Variants in FOXP1 observed in about 807,000 individuals in gnomAD.
The protein encoded by FOXP1 is forkhead box protein P1.
FOXP1 carries 15 observed loss-of-function variants against 98.2 expected under a neutral mutation model. The ratio of observed to expected loss-of-function variants is 0.15; its 90% CI spans 0.10 to 0.24. The LOEUF (loss-of-function observed/expected upper bound fraction) is 0.24. Ranked by LOEUF, FOXP1 falls within the 10% of genes least tolerant of loss-of-function variation. The pLI is 1.00. For synonymous variants in FOXP1, 371 were observed against 314.5 expected (o/e 1.18, Z -1.90); for missense variants, 633 against 848.5 (o/e 0.75, Z 3.15).
At chr3:71,314,412 C>T (rs1013819341) in intron 4 of FOXP1, among the ~76,000 whole-genome samples, 1 of 151,892 alleles carries the variant, frequency 6.6e-6, no homozygotes, top group African/African-American at 2.4e-5. Flanking sequence ...CCTGTAATCC[C>T]AGCTACTCGG....
At chr3:71,032,314 G>A (rs769019556) in intron 11 of FOXP1, among the ~76,000 whole-genome samples, 5 of 152,242 alleles carry the variant, frequency 3.3e-5, no homozygotes. Flanking sequence ...CCAACAGGAT[G>A]TTATTTTAGA....
At position 71,507,582 on chromosome 3, in the gene FOXP1, CTTT is replaced by C. The variant is rs1209581927; in HGVS notation, c.-297-14030_-297-14028del. 2.2e-3 allele frequency among the ~76,000 whole-genome samples: 315 copies of C among 144,482 alleles called. 3 individuals carry two copies. The highest frequency in any genetic ancestry group is 3.6e-3 in the African/African-American group (143 of 39,566). The allele number at this position is 144,482 out of a possible 152,430, so 94.8% of individuals were successfully genotyped here. A position where few individuals can be genotyped will look rare whatever the true frequency, so the allele number is the denominator to read the frequency against. On this transcript the variant is annotated intron_variant, in intron 2 of 20. Transcript: ENST00000649528. ...TATTGAATGATATGTTGCAAAACTGCTTTTTTTTTTTTTGAGATGGAGTCTCGC... is the reference window on the plus strand; with the variant it reads ...TATTGAATGATATGTTGCAAAACTGCTTTTTTTTTTGAGATGGAGTCTCGC...
chr3:71,096,032 T>C (rs2056421026), intron 7 of FOXP1, among the ~76,000 whole-genome samples: 1 of 152,230 alleles, frequency 6.6e-6, no homozygotes, highest in African/African-American at 2.4e-5. Context: ...TTCAGCTTCC[T>C]GTCCAATGCT....
chr3:71,045,482 C>T (rs1025700124), intron 10 of FOXP1, among the ~76,000 whole-genome samples: 6 of 152,146 alleles, frequency 3.9e-5, no homozygotes, highest in African/African-American at 1.4e-4. Context: ...AACAATAAAC[C>T]CAAAGGTGTA....
At chr3:71,464,144 G>T (rs1196203958) in intron 3 of FOXP1, among the ~76,000 whole-genome samples, 4 of 152,166 alleles carry the variant, frequency 2.6e-5, no homozygotes, top group African/African-American at 9.7e-5. Context: ...TGGGCGTGAT[G>T]GCACATGCTG....
intron 20 of FOXP1, among the ~76,000 whole-genome samples, chr3:70,960,356 T>C (rs528648989): frequency 6.6e-6 from 1 of 152,218 alleles, no homozygotes; most frequent in Admixed American, 6.5e-5. Context: ...TAGCAGCCAC[T>C]GGGATGAGCG....
At chr3:71,032,043 GTCATAAC>G (rs2046937456) in intron 11 of FOXP1, among the ~76,000 whole-genome samples, 1 of 152,232 alleles carries the variant, frequency 6.6e-6, no homozygotes, top group Non-Finnish European at 1.5e-5. Flanking sequence ...GTGTGTGTGC[GTCATAAC>G]TCAGATCTAC....
chr3:71,032,625 G>A (rs1171620472), intron 11 of FOXP1, among the ~76,000 whole-genome samples: 1 of 152,104 alleles, frequency 6.6e-6, no homozygotes, highest in African/African-American at 2.4e-5. Flanking sequence ...TGAGCCAGTC[G>A]GCAGAGAGGT....
At chr3:71,142,480 G>A (rs891137136) in intron 6 of FOXP1, among the ~76,000 whole-genome samples, 2 of 152,232 alleles carry the variant, frequency 1.3e-5, no homozygotes, top group Non-Finnish European at 1.5e-5. Flanking sequence ...CCCAGAGATA[G>A]AGGAAGTCAG....
At chr3:71,257,295 G>A (rs1248904174) in intron 5 of FOXP1, among the ~76,000 whole-genome samples, 1 of 152,146 alleles carries the variant, frequency 6.6e-6, no homozygotes, top group Non-Finnish European at 1.5e-5. Context: ...CGCAGAATGG[G>A]ACCAGGCATG....
At chr3:71,522,653 A>G (rs2043080315) in intron 2 of FOXP1, among the ~76,000 whole-genome samples, 1 of 152,232 alleles carries the variant, frequency 6.6e-6, no homozygotes, top group African/African-American at 2.4e-5. Context: ...GACTGAGACC[A>G]TAACTCAGAC....
chr3:71,336,441 G>A lies in FOXP1; in HGVS notation c.-73+22709C>T, dbSNP rs150413002. On this transcript the variant is annotated intron_variant, in intron 4 of 20. Coordinates refer to ENST00000649528, the MANE Select transcript of FOXP1 (RefSeq NM_001349338.3). Reference sequence around the variant, plus strand: ...TCCCTCCCCTTGCCCTCCACCCCCCGATAGGCCCCAGTGTGTGAGGTTCCC... The same window carrying A: ...TCCCTCCCCTTGCCCTCCACCCCCCAATAGGCCCCAGTGTGTGAGGTTCCC... Among the ~76,000 whole-genome samples the A allele has an allele frequency of 6.9e-3, 1,045 of 151,362 alleles. 30 individuals carry two copies. Among genetic ancestry groups the A allele is most frequent in the Non-Finnish European group, 4.1e-3 (279 of 67,862 alleles).
chr3:71,025,248 AC>A (rs1434212113), intron 11 of FOXP1, among the ~76,000 whole-genome samples: 1 of 152,056 alleles, frequency 6.6e-6, no homozygotes, highest in African/African-American at 2.4e-5. Flanking sequence ...AGGGCATACA[AC>A]CTTCCTTTCC....
chr3:71,480,856 T>TATCG (rs2090217231), intron 3 of FOXP1, among the ~76,000 whole-genome samples: 1 of 152,118 alleles, frequency 6.6e-6, no homozygotes, highest in Non-Finnish European at 1.5e-5. Flanking sequence ...GCCACACATA[T>TATCG]ATCGGTCTTT....
intron 2 of FOXP1, among the ~76,000 whole-genome samples, chr3:71,566,925 T>C (rs2107773665): frequency 6.6e-6 from 1 of 152,098 alleles, no homozygotes; most frequent in South Asian, 2.1e-4. Context: ...ACCCATCTTC[T>C]CCCTGGGCTC....
intron 12 of FOXP1, among the ~76,000 whole-genome samples, chr3:71,006,423 T>C (rs2042819836): frequency 6.6e-6 from 1 of 152,096 alleles, no homozygotes. Flanking sequence ...AAAACTCATT[T>C]TTCCCTAAAG....
intron 2 of FOXP1, among the ~76,000 whole-genome samples, chr3:71,558,602 C>A (rs2046313391): frequency 6.6e-6 from 1 of 151,266 alleles, no homozygotes; most frequent in African/African-American, 2.4e-5. Flanking sequence ...TCAAGCGATT[C>A]TCCTGCCTCA....
chr3:71,094,676 T>G (rs2056284084), intron 7 of FOXP1, among the ~76,000 whole-genome samples: 1 of 145,828 alleles, frequency 6.9e-6, no homozygotes, highest in Non-Finnish European at 1.5e-5. Context: ...TAACAGAAAC[T>G]AATTGCTTAT....
intron 7 of FOXP1, among the ~76,000 whole-genome samples, chr3:71,105,224 T>G (rs552419067): frequency 2.1e-4 from 32 of 150,866 alleles, no homozygotes; most frequent in Non-Finnish European, 3.6e-4. Flanking sequence ...TTTTTCCCCC[T>G]CTTTCCCTGA....
Sources: allele counts gnomAD v4.1 joint callset (sites outside exome capture counted in the v4.1 genomes callset), GRCh38; gene constraint gnomAD v4.1.1; transcripts MANE v1.5; gene names NCBI Gene and HGNC (gene_info 2026-07-23, HGNC 2026-07-21).